CSMD1: variants seen among roughly 807,000 people sequenced by gnomAD.
CSMD1 encodes the protein CUB and Sushi multiple domains 1.
CSMD1 carries 213 observed loss-of-function variants against 417.5 expected under a neutral mutation model. The observed-to-expected ratio is 0.51, with a 90% CI of 0.46 to 0.57. The LOEUF (loss-of-function observed/expected upper bound fraction) is 0.57, where lower values mean the gene tolerates loss of function less well. Ranked by LOEUF, CSMD1 falls within the 20% of genes least tolerant of loss-of-function variation. The pLI is 0.00. For synonymous variants in CSMD1, 2,862 were observed against 1,736.8 expected (o/e 1.65, Z -16.11); for missense variants, 6,923 against 4,529.7 (o/e 1.53, Z -15.17).
intron 11 of CSMD1, among the ~76,000 whole-genome samples, chr8:3,487,222 G>T (rs1429694208): frequency 6.6e-6 from 1 of 151,258 alleles, no homozygotes; most frequent in Middle Eastern, 3.4e-3. Flanking sequence ...TAGTTTTTGA[G>T]ACAGAGTCTA....
chr8:4,067,202 A>G (rs2130763884), intron 3 of CSMD1, among the ~76,000 whole-genome samples: 1 of 152,350 alleles, frequency 6.6e-6, no homozygotes, highest in East Asian at 1.9e-4. Flanking sequence ...CTTTGCATCT[A>G]TTTTATCATC....
At chr8:4,430,722 GC>G (rs1320018368) in intron 2 of CSMD1, among the ~76,000 whole-genome samples, 1 of 151,966 alleles carries the variant, frequency 6.6e-6, no homozygotes, top group Non-Finnish European at 1.5e-5. Context: ...AAGAGATTTT[GC>G]CCCCAAGCAT....
intron 3 of CSMD1, among the ~76,000 whole-genome samples, chr8:4,394,245 A>C (rs1377411275): frequency 6.6e-6 from 1 of 152,210 alleles, no homozygotes. Flanking sequence ...TTATTCTTTC[A>C]TAAGAAAACA....
chr8:4,508,777 G>C (rs1362001759), intron 2 of CSMD1, among the ~76,000 whole-genome samples: 1 of 152,122 alleles, frequency 6.6e-6, no homozygotes, highest in African/African-American at 2.4e-5. Context: ...TATTTCAGTG[G>C]AATGTCAAAA....
intron 5 of CSMD1, among the ~76,000 whole-genome samples, chr8:3,890,796 C>A (rs1806918758): frequency 6.6e-6 from 1 of 152,170 alleles, no homozygotes; most frequent in South Asian, 2.1e-4. Flanking sequence ...TCAGACATTT[C>A]CAGGGACTAA....
chr8:4,600,294 T>G (rs1046678291), intron 2 of CSMD1, among the ~76,000 whole-genome samples: 2 of 152,306 alleles, frequency 1.3e-5, no homozygotes, highest in Middle Eastern at 3.4e-3. Flanking sequence ...CCTTAGGTAC[T>G]CTATGTAGCA....
intron 6 of CSMD1, among the ~76,000 whole-genome samples, chr8:3,741,225 A>AC (rs1283521910): frequency 6.6e-6 from 1 of 150,750 alleles, no homozygotes; most frequent in East Asian, 2.0e-4. Flanking sequence ...AAAAAAAAAA[A>AC]AAAAAAAAAA....
At chr8:3,733,279 T>A in intron 6 of CSMD1, among the ~76,000 whole-genome samples, 1 of 126,044 alleles carries the variant, frequency 7.9e-6, no homozygotes, top group Non-Finnish European at 1.8e-5. Context: ...TATTTATATA[T>A]GCATAAATAT....
At chr8:3,543,465 T>A (rs2116722441) in intron 10 of CSMD1, among the ~76,000 whole-genome samples, 1 of 152,188 alleles carries the variant, frequency 6.6e-6, no homozygotes, top group East Asian at 1.9e-4. Flanking sequence ...TGCAATAATC[T>A]AGGCAAGCAG....
intron 46 of CSMD1, among the ~76,000 whole-genome samples, chr8:3,101,078 A>C (rs1815702241): frequency 6.6e-6 from 1 of 151,372 alleles, no homozygotes; most frequent in East Asian, 1.9e-4. Context: ...TTTTCTAAAG[A>C]AATGAATATT....
At chr8:4,609,725 A>C (rs960836344) in intron 2 of CSMD1, among the ~76,000 whole-genome samples, 2 of 152,212 alleles carry the variant, frequency 1.3e-5, no homozygotes, top group Admixed American at 6.5e-5. Flanking sequence ...AAACAAGAAA[A>C]CAGAAAAAAG....
chr8:4,107,418 T>C (rs887912325), intron 3 of CSMD1, among the ~76,000 whole-genome samples: 5 of 152,194 alleles, frequency 3.3e-5, no homozygotes, highest in African/African-American at 4.8e-5. Flanking sequence ...AGAAAATGTC[T>C]TGATACACAT....
chr8:4,159,519 T>A (rs1486483496), intron 3 of CSMD1, among the ~76,000 whole-genome samples: 1 of 152,196 alleles, frequency 6.6e-6, no homozygotes, highest in African/African-American at 2.4e-5. Context: ...ATATATATGA[T>A]GGAATACCAC....
intron 5 of CSMD1, among the ~76,000 whole-genome samples, chr8:3,870,240 C>A (rs1465503915): frequency 2.6e-5 from 4 of 152,114 alleles, no homozygotes; most frequent in Non-Finnish European, 4.4e-5. Context: ...ATTAATAGTA[C>A]ACTGAAATTA....
intron 1 of CSMD1, among the ~76,000 whole-genome samples, chr8:4,689,193 C>G (rs1481979120): frequency 6.6e-6 from 1 of 152,172 alleles, no homozygotes; most frequent in East Asian, 1.9e-4. Flanking sequence ...TAGGTTTATT[C>G]TTTTGTGTTC....
chr8:4,213,778 G>A (rs1800465670), intron 3 of CSMD1, among the ~76,000 whole-genome samples: 1 of 152,170 alleles, frequency 6.6e-6, no homozygotes, highest in Admixed American at 6.5e-5. Flanking sequence ...TGCCAGCTGT[G>A]GTGAGGGTGG....
At chr8:3,294,723 A>G (rs1225344289) in intron 25 of CSMD1, among the ~76,000 whole-genome samples, 1 of 151,964 alleles carries the variant, frequency 6.6e-6, no homozygotes, top group Non-Finnish European at 1.5e-5. Flanking sequence ...GCCATCTGTC[A>G]CCCCTTTCTT....
chr8:4,568,172 A>G (rs1798705908), intron 2 of CSMD1, among the ~76,000 whole-genome samples: 1 of 152,172 alleles, frequency 6.6e-6, no homozygotes, highest in African/African-American at 2.4e-5. Flanking sequence ...AAGTTATGGG[A>G]TACATGTGCA....
chr8:4,791,393 A>G (rs1017267526), intron 1 of CSMD1, among the ~76,000 whole-genome samples: 2 of 151,602 alleles, frequency 1.3e-5, no homozygotes, highest in African/African-American at 4.9e-5. Flanking sequence ...CAGCCCTTTG[A>G]CTCCCTGAAA....
Sources: allele counts gnomAD v4.1 joint callset (sites outside exome capture counted in the v4.1 genomes callset), GRCh38; gene constraint gnomAD v4.1.1; transcripts MANE v1.5; gene names NCBI Gene and HGNC (gene_info 2026-07-23, HGNC 2026-07-21).